Variants in CFAP44 observed in about 807,000 individuals in gnomAD.
CFAP44 encodes the protein cilia- and flagella-associated protein 44.
A neutral mutation model predicts 216.2 loss-of-function variants in CFAP44; 134 were observed. That is an observed-to-expected ratio of 0.62 (90% CI 0.54 to 0.72). The LOEUF is 0.72. Ranked by LOEUF, CFAP44 falls within the 30% of genes least tolerant of loss-of-function variation. CFAP44 has a pLI of 0.00. For missense variants in CFAP44, 2,035 were observed against 2,182.1 expected (o/e 0.93, Z 1.34); for synonymous variants, 700 against 727.6 (o/e 0.96, Z 0.61).
At chr3:113,332,275 T>C (rs991254858) in intron 25 of CFAP44, among the ~76,000 whole-genome samples, 7 of 152,180 alleles carry the variant, frequency 4.6e-5, no homozygotes, top group African/African-American at 1.2e-4. Flanking sequence ...CAAATGGTCA[T>C]TACTAAAATG....
At chr3:113,339,523 G>A (rs1382633651) in intron 24 of CFAP44, among the ~76,000 whole-genome samples, 1 of 152,184 alleles carries the variant, frequency 6.6e-6, no homozygotes, top group Non-Finnish European at 1.5e-5. Flanking sequence ...TCTCCCTGCT[G>A]TCGGAAAACT....
At chr3:113,365,979 T>G (rs1668443815) in intron 19 of CFAP44, 60 bp downstream of exon 19, 1 of 1,514,292 alleles carries the variant, frequency 6.6e-7, no homozygotes, top group African/African-American at 1.4e-5. Context: ...ATGAACAATT[T>G]TAATATCACT....
chr3:113,376,050 T>C (rs567511695), intron 17 of CFAP44, among the ~76,000 whole-genome samples: 5 of 152,310 alleles, frequency 3.3e-5, no homozygotes, highest in South Asian at 4.1e-4. Context: ...ACATTAAATA[T>C]AAATGAACAT....
At chr3:113,341,455 T>C (rs1950332618) in intron 24 of CFAP44, among the ~76,000 whole-genome samples, 1 of 152,218 alleles carries the variant, frequency 6.6e-6, no homozygotes, top group African/African-American at 2.4e-5. Flanking sequence ...TTTATAATTT[T>C]GAGATAGAAA....
chr3:113,294,602 T>C (rs1949863120), intron 34 of CFAP44, 85 bp downstream of exon 34: 1 of 1,432,844 alleles, frequency 7.0e-7, no homozygotes, highest in African/African-American at 1.4e-5. Flanking sequence ...TTTGTTTAAA[T>C]GCCAGTACTT....
At chr3:113,400,107 A>C in intron 12 of CFAP44, 107 bp from the exon 13 acceptor site, 8 of 652,870 alleles carry the variant, frequency 1.2e-5, no homozygotes, top group Non-Finnish European at 1.7e-5. Flanking sequence ...TCTTAACTAA[A>C]TCAGTCAATA....
At chr3:113,299,264 A>C (rs1949912134) in intron 32 of CFAP44, among the ~76,000 whole-genome samples, 1 of 152,224 alleles carries the variant, frequency 6.6e-6, no homozygotes, top group Non-Finnish European at 1.5e-5. Flanking sequence ...ATCTGAAGAG[A>C]CAGTTCTTAA....
At chr3:113,325,186 C>T (rs1240162354) in intron 28 of CFAP44, among the ~76,000 whole-genome samples, 1 of 150,952 alleles carries the variant, frequency 6.6e-6, no homozygotes, top group East Asian at 2.0e-4. Flanking sequence ...CCTATAATCC[C>T]AGCTACTTGG....
In CFAP44 at chr3:113,401,306, AT is replaced by A. The variant is rs1559936484; in HGVS notation, c.1327-20del. On this transcript the variant is annotated intron_variant, in intron 10 of 34. Coordinates refer to ENST00000393845, the MANE Select transcript of CFAP44 (RefSeq NM_001164496.2). ...TGGCATCCTAAAAAAATTAAATAGT[AT>A]TTTGTTTTATCATTTTAAACTTTCA... 6.4e-7 allele frequency: 1 copy of A among 1,570,378 alleles called. No homozygotes were observed. The highest frequency in any genetic ancestry group is 2.3e-5 in the East Asian group (1 of 43,712).
chr3:113,426,033 G>T, intron 4 of CFAP44, 91 bp downstream of exon 4: 1 of 1,448,928 alleles, frequency 6.9e-7, no homozygotes, highest in Non-Finnish European at 9.3e-7. Flanking sequence ...AGGTGGGAAG[G>T]CACATTTGGG....
intron 24 of CFAP44, among the ~76,000 whole-genome samples, chr3:113,337,653 T>C (rs563561355): frequency 1.1e-4 from 16 of 152,216 alleles, no homozygotes; most frequent in Admixed American, 2.6e-4. Flanking sequence ...CACACAAATA[T>C]GTCCAAATGA....
At chr3:113,319,332 G>A (rs60582065) in intron 28 of CFAP44, among the ~76,000 whole-genome samples, 4,392 of 152,270 alleles carry the variant, frequency 0.029, 110 homozygotes, top group East Asian at 0.1. Flanking sequence ...AATTAAGAAG[G>A]ATAATGAAGA....
chr3:113,386,228 G>A (rs1192826706), intron 15 of CFAP44, among the ~76,000 whole-genome samples: 1 of 152,120 alleles, frequency 6.6e-6, no homozygotes, highest in Non-Finnish European at 1.5e-5. Context: ...CCCTGCTCAT[G>A]TTTGGTTACC....
chr3:113,367,102 T>C lies in CFAP44; in HGVS notation c.2445-793A>G, dbSNP rs560333893. 7.2e-5 allele frequency among the ~76,000 whole-genome samples: 11 copies of C among 152,318 alleles called. No individual in the cohort carries two copies. The South Asian group carries it at 2.3e-3, about 32-fold the overall frequency. On this transcript the variant is annotated intron_variant, in intron 18 of 34. Transcript: ENST00000393845. ...CCCACCTCAGCTCAGCAAGGCCTACTGCCTCTATAGACTCCACCTCTGTGG... is the reference window on the plus strand; with the variant it reads ...CCCACCTCAGCTCAGCAAGGCCTACCGCCTCTATAGACTCCACCTCTGTGG...
chr3:113,426,110 G>T lies in CFAP44; in HGVS notation c.407+14C>A, dbSNP rs1006847833. 1.9e-6 allele frequency: 3 copies of T among 1,612,216 alleles called. No homozygotes were observed. Among genetic ancestry groups the T allele is most frequent in the Non-Finnish European group, 2.5e-6 (3 of 1,179,182 alleles). ...AAAATCCCAAAATTATACATATTTA[G>T]CCAGGGTGGATACACAAGTGTGAGA... On this transcript the variant is annotated intron_variant, in intron 4 of 34. Coordinates refer to ENST00000393845, the MANE Select transcript of CFAP44 (RefSeq NM_001164496.2).
In CFAP44 at chr3:113,400,529, A is replaced by T; in HGVS notation, c.1474+16T>A. 1 of 1,537,928 alleles carries T rather than the reference A, an allele frequency of 6.5e-7. No homozygotes were observed. Among genetic ancestry groups the T allele is most frequent in the South Asian group, 1.3e-5 (1 of 78,810 alleles). On this transcript the variant is annotated intron_variant, in intron 12 of 34. Coordinates refer to ENST00000393845, the MANE Select transcript of CFAP44 (RefSeq NM_001164496.2). ...AAACAAGGCCAGACATATTTTTATT[A>T]AGAGTTCCTACTTACAGTCCAAGGC...
chr3:113,376,021 C>T (rs2107330661), intron 17 of CFAP44, among the ~76,000 whole-genome samples: 1 of 151,954 alleles, frequency 6.6e-6, no homozygotes, highest in East Asian at 1.9e-4. Flanking sequence ...TAGATTTAAA[C>T]TAAAATATAT....
chr3:113,355,392 G>T (rs185184371), intron 22 of CFAP44, among the ~76,000 whole-genome samples: 2 of 152,272 alleles, frequency 1.3e-5, no homozygotes, highest in Admixed American at 6.5e-5. Context: ...ATGGTGGCAG[G>T]TGCCTGCAAT....
intron 18 of CFAP44, among the ~76,000 whole-genome samples, chr3:113,372,204 T>C (rs1933189761): frequency 1.3e-5 from 2 of 152,200 alleles, no homozygotes; most frequent in African/African-American, 4.8e-5. Context: ...AGAAATACCA[T>C]TTGACCCAGC....
Sources: gnomAD v4.1 joint callset for allele counts (sites outside exome capture counted in the v4.1 genomes callset) on GRCh38, gnomAD v4.1.1 for gene constraint, MANE v1.5 for transcripts, NCBI Gene and HGNC (gene_info 2026-07-23, HGNC 2026-07-21) for gene names.